The following TEX26 variants were observed in gnomAD, a reference collection of about 807,000 sequenced individuals.
The protein encoded by TEX26 is testis expressed 26, also known as testis-expressed protein 26.
In TEX26, 34 loss-of-function variants were observed where a neutral mutation model predicts 35.3. The ratio of observed to expected loss-of-function variants is 0.96; its 90% confidence interval spans 0.73 to 1.28. TEX26 has a LOEUF of 1.28. TEX26 is among the 50% of genes most tolerant of loss of function. The pLI, the probability that TEX26 is intolerant of heterozygous loss-of-function variation, is 0.00. For synonymous variants in TEX26, 136 were observed against 111.8 expected (o/e 1.22, Z -1.36); for missense variants, 371 against 330.1 (o/e 1.12, Z -0.96).
intron 1 of TEX26, chr13:30,933,783 G>T (rs2138146764): frequency 6.6e-6 from 1 of 152,256 alleles, no homozygotes; most frequent in East Asian, 1.9e-4. Flanking sequence ...CCCTTTGGAT[G>T]CTTCTCTTCC....
chr13:30,949,756 T>C (rs967331378), intron 2 of TEX26, among the ~76,000 whole-genome samples: 1 of 152,104 alleles, frequency 6.6e-6, no homozygotes, highest in Non-Finnish European at 1.5e-5. Context: ...TTCTCATGTA[T>C]ATAGAATTCT....
At position 30,932,834 on chromosome 13, in the gene TEX26, G is replaced by A. The variant is rs1260567142; in HGVS notation, c.61+58G>A. On this transcript the variant is annotated intron_variant, in intron 1 of 6. Coordinates refer to ENST00000380473, the MANE Select transcript of TEX26 (RefSeq NM_152325.3). ...GGGGCTGGGGTCTTTCCCGGGGAAA[G>A]GGTCCTGTTGAGAAAAAGGGGCCTT... 4.4e-6 allele frequency: 7 copies of A among 1,578,350 alleles called. No homozygotes were observed. The South Asian group carries it at 5.7e-5, about 13-fold the overall frequency.
At chr13:30,964,085 C>T (rs925875331) in intron 4 of TEX26, among the ~76,000 whole-genome samples, 1 of 152,212 alleles carries the variant, frequency 6.6e-6, no homozygotes, top group Non-Finnish European at 1.5e-5. Context: ...GTTGTCAAAG[C>T]TCCTTACTGT....
At chr13:30,942,735 AT>A (rs1283334218) in intron 2 of TEX26, among the ~76,000 whole-genome samples, 1 of 152,106 alleles carries the variant, frequency 6.6e-6, no homozygotes, top group Non-Finnish European at 1.5e-5. Context: ...TTTATTAAAT[AT>A]GGTGTCCTTT....
chr13:30,957,168 A>G lies in TEX26; in HGVS notation c.469+139A>G, dbSNP rs1014873600. 22 of 816,590 alleles carry G rather than the reference A, an allele frequency of 2.7e-5. No homozygotes were observed. The South Asian group carries it at 3.7e-4, about 14-fold the overall frequency. The allele number at this position is 816,590 out of a possible 1,614,324, so 50.6% of individuals were successfully genotyped here. A position where few individuals can be genotyped will look rare whatever the true frequency, so the allele number is the denominator to read the frequency against. ...GAGACAGGCGACTTTGCAAATAAAA[A>G]CCATCAAGTATAAAAAGGTGCACCT... On this transcript the variant is annotated intron_variant, in intron 4 of 6. Coordinates refer to ENST00000380473, the MANE Select transcript of TEX26 (RefSeq NM_152325.3).
intron 3 of TEX26, among the ~76,000 whole-genome samples, chr13:30,953,523 C>T (rs1055225516): frequency 7.2e-5 from 11 of 152,202 alleles, no homozygotes; most frequent in Non-Finnish European, 1.3e-4. Context: ...ATTGTTTCCA[C>T]CTTTTGGCTA....
chr13:30,956,753 C>A (rs1468677213), intron 3 of TEX26, 120 bp from the exon 4 acceptor site: 6 of 875,176 alleles, frequency 6.9e-6, no homozygotes, highest in Admixed American at 2.5e-5. Flanking sequence ...CATCCATGCA[C>A]CTGCAGTGGC....
At chr13:30,939,942 C>A (rs994627041) in intron 2 of TEX26, among the ~76,000 whole-genome samples, 164 bp downstream of exon 2, 4 of 152,236 alleles carry the variant, frequency 2.6e-5, no homozygotes, top group Admixed American at 6.5e-5. Context: ...ATCCGTGATA[C>A]CCCTTCCCCT....
intron 6 of TEX26, among the ~76,000 whole-genome samples, chr13:30,971,606 A>G (rs1385658640): frequency 6.6e-6 from 1 of 152,198 alleles, no homozygotes; most frequent in Non-Finnish European, 1.5e-5. Context: ...TAAAGGAGAG[A>G]GAGCTGAAGG....
intron 2 of TEX26, among the ~76,000 whole-genome samples, chr13:30,943,099 T>C (rs1953574270): frequency 6.6e-6 from 1 of 152,164 alleles, no homozygotes; most frequent in Admixed American, 6.5e-5. Context: ...ATTTTCATGA[T>C]ATTGATTCTT....
chr13:30,971,305 C>A (rs1425393003), intron 6 of TEX26, among the ~76,000 whole-genome samples: 1 of 152,176 alleles, frequency 6.6e-6, no homozygotes, highest in Non-Finnish European at 1.5e-5. Context: ...AATTTAAGAA[C>A]CTGGCAGATG....
chr13:30,971,288 T>G (rs1364738401), intron 6 of TEX26, among the ~76,000 whole-genome samples: 2 of 152,242 alleles, frequency 1.3e-5, no homozygotes, highest in African/African-American at 4.8e-5. Context: ...TGAGTACATA[T>G]GCAGATAATT....
intron 2 of TEX26, 98 bp downstream of exon 2, chr13:30,939,876 G>A: frequency 8.8e-7 from 1 of 1,137,336 alleles, no homozygotes; most frequent in Non-Finnish European, 1.3e-6. Flanking sequence ...AATTAGAGAA[G>A]CTTCGTAAAA....
At chr13:30,948,727 A>G (rs932387585) in intron 2 of TEX26, among the ~76,000 whole-genome samples, 21 of 152,226 alleles carry the variant, frequency 1.4e-4, no homozygotes, top group African/African-American at 4.8e-4. Flanking sequence ...TTTGCTGTGC[A>G]GAAGCTCTTT....
intron 4 of TEX26, among the ~76,000 whole-genome samples, chr13:30,965,122 G>A (rs1954480455): frequency 6.6e-6 from 1 of 152,104 alleles, no homozygotes; most frequent in Non-Finnish European, 1.5e-5. Context: ...CAGTTTATGA[G>A]GTCATTATGA....
chr13:30,941,559 T>C (rs74046404), intron 2 of TEX26, among the ~76,000 whole-genome samples: 146 of 152,332 alleles, frequency 9.6e-4, no homozygotes, highest in African/African-American at 3.1e-3. Context: ...CATTGCATAA[T>C]GGTGAGATCT....
intron 2 of TEX26, among the ~76,000 whole-genome samples, chr13:30,942,653 T>C (rs1363025297): frequency 3.9e-5 from 6 of 152,100 alleles, no homozygotes; most frequent in Non-Finnish European, 7.4e-5. Flanking sequence ...TCCAGTCTTA[T>C]ATTTAAGTCT....
At chr13:30,960,300 T>TTG (rs1954287683) in intron 4 of TEX26, among the ~76,000 whole-genome samples, 1 of 152,210 alleles carries the variant, frequency 6.6e-6, no homozygotes, top group South Asian at 2.1e-4. Context: ...TGGAGTGCAG[T>TTG]TGTGTGATCT....
At chr13:30,949,261 G>A (rs1016796847) in intron 2 of TEX26, among the ~76,000 whole-genome samples, 2 of 152,034 alleles carry the variant, frequency 1.3e-5, no homozygotes, top group Non-Finnish European at 2.9e-5. Context: ...CACATTGCCA[G>A]GTCAATCCTA....
Sources: allele counts gnomAD v4.1 joint callset (sites outside exome capture counted in the v4.1 genomes callset), GRCh38; gene constraint gnomAD v4.1.1; transcripts MANE v1.5; gene names NCBI Gene and HGNC (gene_info 2026-07-23, HGNC 2026-07-21).